Variants in GRID1 observed in about 807,000 individuals in gnomAD.
GRID1 encodes glutamate receptor ionotropic, delta-1.
A neutral mutation model predicts 98.0 loss-of-function variants in GRID1; 28 were observed. The ratio of observed to expected loss-of-function variants is 0.29; its 90% CI spans 0.21 to 0.39. GRID1 has a LOEUF of 0.39. Ranked by LOEUF, GRID1 falls within the 10% of genes least tolerant of loss-of-function variation. GRID1 has a pLI of 1.00. For missense variants in GRID1, 1,111 were observed against 1,340.5 expected (o/e 0.83, Z 2.67); for synonymous variants, 553 against 538.5 (o/e 1.03, Z -0.37).
intron 6 of GRID1, among the ~76,000 whole-genome samples, chr10:85,862,414 G>A (rs893219038): frequency 6.6e-6 from 1 of 152,162 alleles, no homozygotes; most frequent in Non-Finnish European, 1.5e-5. Flanking sequence ...AGGCTGCTGG[G>A]GAAAGAGATG....
rs371253075 is a variant in GRID1, at chr10:85,704,560, C to T, written c.1997+18443G>A. On this transcript the variant is annotated intron_variant, in intron 12 of 15. Transcript: ENST00000327946. ...CCACTGTCAACATTAGACAGATCAA[C>T]AAGACAGAAAGTTAACAAGGATATC... 6.0e-4 allele frequency among the ~76,000 whole-genome samples: 91 copies of T among 152,252 alleles called. 2 individuals are homozygous for T. The South Asian group carries it at 0.019, about 31-fold the overall frequency.
chr10:86,108,097 C>T (rs4322336), intron 4 of GRID1, among the ~76,000 whole-genome samples: 127,991 of 152,116 alleles, frequency 0.84, 54,262 homozygotes, highest in East Asian at 0.92. Flanking sequence ...GTAACACATG[C>T]CCACTGGGGC....
At chr10:86,341,066 C>T (rs1161209869) in intron 2 of GRID1, among the ~76,000 whole-genome samples, 3 of 152,154 alleles carry the variant, frequency 2.0e-5, no homozygotes, top group Non-Finnish European at 2.9e-5. Context: ...GACCCCCACT[C>T]GCCCTTCTGT....
chr10:85,831,544 T>C (rs1007072327), intron 8 of GRID1, among the ~76,000 whole-genome samples: 1 of 152,138 alleles, frequency 6.6e-6, no homozygotes, highest in South Asian at 2.1e-4. Flanking sequence ...ATGAAATATT[T>C]ACCTCTATGG....
intron 5 of GRID1, among the ~76,000 whole-genome samples, chr10:85,876,036 T>C (rs1177352050): frequency 1.3e-5 from 2 of 152,246 alleles, no homozygotes; most frequent in Non-Finnish European, 2.9e-5. Context: ...TTGAAAGATA[T>C]AATTCTAAGT....
intron 4 of GRID1, among the ~76,000 whole-genome samples, chr10:85,963,449 C>G (rs1199394298): frequency 8.5e-5 from 13 of 152,184 alleles, no homozygotes; most frequent in Non-Finnish European, 1.9e-4. Flanking sequence ...GACAGGGTGA[C>G]TTTTGCTCAC....
intron 4 of GRID1, among the ~76,000 whole-genome samples, chr10:86,061,433 C>T (rs573186080): frequency 1.3e-5 from 2 of 152,308 alleles, no homozygotes; most frequent in African/African-American, 4.8e-5. Flanking sequence ...AGCCACCTCC[C>T]AGTAGACATC....
chr10:86,046,080 T>G (rs1483624630), intron 4 of GRID1, among the ~76,000 whole-genome samples: 1 of 152,076 alleles, frequency 6.6e-6, no homozygotes, highest in Non-Finnish European at 1.5e-5. Flanking sequence ...ATGCTTTTCA[T>G]AAGACACACC....
chr10:85,918,538 C>A (rs144781432), intron 4 of GRID1, among the ~76,000 whole-genome samples: 149 of 152,324 alleles, frequency 9.8e-4, no homozygotes, highest in Non-Finnish European at 1.8e-3. Context: ...AAGGACAATG[C>A]ACACTATAGC....
chr10:85,694,329 T>C (rs930676644), intron 12 of GRID1, among the ~76,000 whole-genome samples: 1 of 151,944 alleles, frequency 6.6e-6, no homozygotes, highest in Non-Finnish European at 1.5e-5. Flanking sequence ...GGAAGGAATG[T>C]AAATTAATTA....
intron 4 of GRID1, among the ~76,000 whole-genome samples, chr10:86,117,164 C>T (rs1318636238): frequency 6.6e-6 from 1 of 151,744 alleles, no homozygotes; most frequent in East Asian, 1.9e-4. Flanking sequence ...TCACCATCAC[C>T]AACACCATTA....
chr10:85,937,120 C>A (rs1259316381), intron 4 of GRID1, among the ~76,000 whole-genome samples: 1 of 152,182 alleles, frequency 6.6e-6, no homozygotes, highest in Non-Finnish European at 1.5e-5. Context: ...ACATCTGATT[C>A]ACCTGAGCAG....
chr10:85,917,741 T>C (rs2131825356), intron 4 of GRID1, among the ~76,000 whole-genome samples: 1 of 152,356 alleles, frequency 6.6e-6, no homozygotes, highest in Middle Eastern at 3.4e-3. Flanking sequence ...GAAAAGAGGC[T>C]GCAAGGGATG....
chr10:86,182,531 C>T (rs962341931), intron 3 of GRID1, among the ~76,000 whole-genome samples: 2 of 152,220 alleles, frequency 1.3e-5, no homozygotes, highest in African/African-American at 4.8e-5. Flanking sequence ...TCTGTCCCCA[C>T]CTGATGGCTT....
intron 4 of GRID1, among the ~76,000 whole-genome samples, chr10:85,937,104 C>G (rs990553087): frequency 6.6e-6 from 1 of 152,204 alleles, no homozygotes; most frequent in African/African-American, 2.4e-5. Flanking sequence ...TGGTTTTCAA[C>G]CCTGCACATC....
chr10:85,970,538 T>C (rs1842394220), intron 4 of GRID1, among the ~76,000 whole-genome samples: 1 of 152,040 alleles, frequency 6.6e-6, no homozygotes, highest in Non-Finnish European at 1.5e-5. Context: ...CAATGTAATA[T>C]GCCATAGTTA....
intron 3 of GRID1, among the ~76,000 whole-genome samples, chr10:86,198,445 G>A (rs1364773562): frequency 6.6e-6 from 1 of 152,116 alleles, no homozygotes; most frequent in Non-Finnish European, 1.5e-5. Flanking sequence ...GGAAGCCAAG[G>A]AAGAATGGAC....
At chr10:85,953,461 A>G (rs775519379) in intron 4 of GRID1, among the ~76,000 whole-genome samples, 1 of 152,210 alleles carries the variant, frequency 6.6e-6, no homozygotes, top group Non-Finnish European at 1.5e-5. Context: ...AACAAAAGTT[A>G]TATGTAAATT....
intron 12 of GRID1, among the ~76,000 whole-genome samples, chr10:85,702,995 A>C (rs989407074): frequency 7.9e-5 from 12 of 151,792 alleles, no homozygotes; most frequent in Non-Finnish European, 1.3e-4. Context: ...GGAAATAAGG[A>C]GATGAAGAAA....
Sources: allele counts gnomAD v4.1 joint callset (sites outside exome capture counted in the v4.1 genomes callset), GRCh38; gene constraint gnomAD v4.1.1; transcripts MANE v1.5; gene names NCBI Gene and HGNC (gene_info 2026-07-23, HGNC 2026-07-21).